Variants in PELI2 observed in about 807,000 individuals in gnomAD.
PELI2 encodes E3 ubiquitin-protein ligase pellino homolog 2.
PELI2 carries 23 observed loss-of-function variants against 42.3 expected under a neutral mutation model. The ratio of observed to expected loss-of-function variants is 0.54; its 90% confidence interval spans 0.39 to 0.77. The LOEUF (loss-of-function observed/expected upper bound fraction) is 0.77, where lower values mean the gene tolerates loss of function less well. PELI2 is among the 30% of genes least tolerant of loss of function. The probability of loss-of-function intolerance (pLI) is 0.00; values close to 1 mark genes in which losing one functional copy is unlikely to be tolerated. For missense variants in PELI2, 463 were observed against 553.2 expected, an observed-to-expected ratio of 0.84 and a Z score of 1.64; for synonymous variants, 245 against 212.2, an observed-to-expected ratio of 1.15 and a Z score of -1.34.
At chr14:56,165,800 A>G (rs1214789437) in intron 1 of PELI2, among the ~76,000 whole-genome samples, 1 of 152,030 alleles carries the variant, frequency 6.6e-6, no homozygotes, top group Non-Finnish European at 1.5e-5. Flanking sequence ...TTTTTCTCGA[A>G]ATCAATTTTG....
chr14:56,266,838 C>T (rs1489356403), intron 2 of PELI2, among the ~76,000 whole-genome samples: 2 of 151,874 alleles, frequency 1.3e-5, no homozygotes, highest in Non-Finnish European at 2.9e-5. Context: ...TAATTTAATG[C>T]CTGCTAAAAA....
At chr14:56,262,487 C>T (rs1293380292) in intron 2 of PELI2, among the ~76,000 whole-genome samples, 1 of 152,078 alleles carries the variant, frequency 6.6e-6, no homozygotes, top group Admixed American at 6.5e-5. Flanking sequence ...AGATGTTTCT[C>T]ACAACCAATT....
At chr14:56,228,719 A>G (rs922890714) in intron 2 of PELI2, among the ~76,000 whole-genome samples, 1 of 152,172 alleles carries the variant, frequency 6.6e-6, no homozygotes, top group African/African-American at 2.4e-5. Context: ...TGCATTTCCA[A>G]CTGAGGTACC....
intron 2 of PELI2, among the ~76,000 whole-genome samples, chr14:56,213,340 T>C (rs1463084159): frequency 2.6e-5 from 4 of 152,188 alleles, no homozygotes; most frequent in African/African-American, 9.7e-5. Flanking sequence ...AGGCAGAAGC[T>C]TTGCACAGTG....
At chr14:56,147,589 TATTA>T (rs1044214104) in intron 1 of PELI2, among the ~76,000 whole-genome samples, 2 of 152,252 alleles carry the variant, frequency 1.3e-5, no homozygotes, top group Admixed American at 6.5e-5. Flanking sequence ...TTAATGTTTA[TATTA>T]ATTCTTTTTA....
intron 1 of PELI2, among the ~76,000 whole-genome samples, chr14:56,128,478 T>C (rs1464380550): frequency 6.6e-6 from 1 of 152,210 alleles, no homozygotes; most frequent in Non-Finnish European, 1.5e-5. Flanking sequence ...GGTAGGTCCT[T>C]GTGGCTCTCT....
At chr14:56,138,881 T>A (rs1371059406) in intron 1 of PELI2, among the ~76,000 whole-genome samples, 1 of 152,236 alleles carries the variant, frequency 6.6e-6, no homozygotes, top group Non-Finnish European at 1.5e-5. Context: ...CCTGTGTTGT[T>A]GATTTGTTTC....
At chr14:56,286,676 G>T (rs1207525367) in intron 3 of PELI2, among the ~76,000 whole-genome samples, 1 of 152,180 alleles carries the variant, frequency 6.6e-6, no homozygotes, top group African/African-American at 2.4e-5. Context: ...GAAAGGGCAG[G>T]CTGCAAGTTT....
chr14:56,271,992 C>G (rs1889123756), intron 2 of PELI2, among the ~76,000 whole-genome samples: 1 of 152,204 alleles, frequency 6.6e-6, no homozygotes, highest in African/African-American at 2.4e-5. Context: ...TGGTGCAGAG[C>G]TCTTCAGAGC....
At chr14:56,253,299 G>A (rs1168318257) in intron 2 of PELI2, among the ~76,000 whole-genome samples, 2 of 152,170 alleles carry the variant, frequency 1.3e-5, no homozygotes, top group Non-Finnish European at 2.9e-5. Flanking sequence ...ACAAGACAAC[G>A]ATGACTTCTC....
At position 56,198,007 on chromosome 14, in the gene PELI2, CACACA is replaced by C. The variant is rs1566632281; in HGVS notation, c.207+19544_207+19548del. ...ACACACACACACACACACACACACA[CACACA>C]CCCACCTCTTTGGTCCACTTCTCTA... is the stretch of plus-strand genomic sequence containing the variant. On this transcript the variant is annotated intron_variant, in intron 2 of 5. Coordinates refer to ENST00000267460, the MANE Select transcript of PELI2 (RefSeq NM_021255.3). 1.7e-4 allele frequency among the ~76,000 whole-genome samples: 22 copies of C among 131,882 alleles called. No homozygotes were observed. In the South Asian group the frequency reaches 2.9e-3, roughly 17 times the overall value. The allele number at this position is 131,882 out of a possible 152,430, so 86.5% of individuals were successfully genotyped here.
chr14:56,213,392 C>G (rs1886779833), intron 2 of PELI2, among the ~76,000 whole-genome samples: 1 of 152,156 alleles, frequency 6.6e-6, no homozygotes, highest in Non-Finnish European at 1.5e-5. Flanking sequence ...TGATTGGATA[C>G]CCAGAGAGGA....
intron 1 of PELI2, among the ~76,000 whole-genome samples, chr14:56,123,052 A>G (rs751743296): frequency 9.9e-5 from 15 of 152,212 alleles, no homozygotes; most frequent in Non-Finnish European, 1.9e-4. Flanking sequence ...TGAAAAATGA[A>G]GTATTTTAGT....
chr14:56,236,942 T>C (rs990100878), intron 2 of PELI2, among the ~76,000 whole-genome samples: 8 of 152,206 alleles, frequency 5.3e-5, no homozygotes, highest in African/African-American at 1.9e-4. Context: ...TTCTTCCAAA[T>C]ACTGAGGCTG....
At chr14:56,267,381 A>G (rs559683935) in intron 2 of PELI2, among the ~76,000 whole-genome samples, 1 of 152,292 alleles carries the variant, frequency 6.6e-6, no homozygotes, top group Admixed American at 6.5e-5. Context: ...CTAAGAATAC[A>G]CAGCTAATAA....
Position 56,297,125 on chromosome 14 carries a change from C to G in PELI2, c.1222C>G (p.Gln408Glu). ...CTGTGCTACACAGCTGGTTGGGGAGCAAAACTGCATCAAATTAATTTTCCA... is the reference window on the plus strand; with the variant it reads ...CTGTGCTACACAGCTGGTTGGGGAGGAAAACTGCATCAAATTAATTTTCCA... ...PFCATQLVGE[Q>E]NCIKLIFQGP... Residue 408 changes from glutamine (Q) to glutamate (E), a missense_variant, in exon 6 of 6, where the codon CAA becomes GAA. By Grantham distance (29) the Gln-to-Glu change is conservative. This residue lies in a region of PELI2 where 103 missense variants were observed against 129.6 expected (regional missense o/e 0.80). Transcript: ENST00000267460. 1 of 1,603,774 alleles carries G rather than the reference C, an allele frequency of 6.2e-7. No homozygotes were observed. The highest frequency in any genetic ancestry group is 8.5e-7 in the Non-Finnish European group (1 of 1,179,820).
chr14:56,156,225 G>A (rs1228919495), intron 1 of PELI2, among the ~76,000 whole-genome samples: 1 of 152,150 alleles, frequency 6.6e-6, no homozygotes, highest in Non-Finnish European at 1.5e-5. Flanking sequence ...TTTTATAGGT[G>A]AATCATACTT....
At chr14:56,186,530 T>C (rs1885775481) in intron 2 of PELI2, among the ~76,000 whole-genome samples, 1 of 152,218 alleles carries the variant, frequency 6.6e-6, no homozygotes, top group South Asian at 2.1e-4. Context: ...TTATACATAC[T>C]ATTTTATGGA....
intron 1 of PELI2, among the ~76,000 whole-genome samples, chr14:56,148,393 A>C (rs1349568917): frequency 6.6e-6 from 1 of 152,150 alleles, no homozygotes; most frequent in Non-Finnish European, 1.5e-5. Context: ...TAAAGTGCAA[A>C]TGTTCCATGG....
Sources: gnomAD v4.1 joint callset for allele counts (sites outside exome capture counted in the v4.1 genomes callset) on GRCh38, gnomAD v4.1.1 for gene constraint, gnomAD v4.1.1 regional missense constraint, MANE v1.5 for transcripts, NCBI Gene and HGNC (gene_info 2026-07-23, HGNC 2026-07-21) for gene names.